WBP11: variants seen among roughly 807,000 people sequenced by gnomAD.
WBP11 encodes WW domain binding protein 11.
WBP11 carries 12 observed loss-of-function variants against 66.7 expected under a neutral mutation model. The observed-to-expected ratio is 0.18, with a 90% CI of 0.12 to 0.29. The LOEUF (loss-of-function observed/expected upper bound fraction) is 0.29, where lower values mean the gene tolerates loss of function less well. Ranked by LOEUF, WBP11 falls within the 10% of genes least tolerant of loss-of-function variation. The probability of loss-of-function intolerance (pLI) is 1.00; values close to 1 mark genes in which losing one functional copy is unlikely to be tolerated. For synonymous variants in WBP11, 255 were observed against 273.8 expected (o/e 0.93, Z 0.68); for missense variants, 555 against 818.3 (o/e 0.68, Z 3.93).
rs905024589 is a variant in WBP11, at chr12:14,793,871, T to G, written c.773A>C (p.Tyr258Ser). ...CTTATCTTGATCCATGTCCTCAGGA[T>G]AGCCATCATCTTCACTGGTGCTAGA... ...DVSSTSEDDG[Y>S]PEDMDQDKHD... Residue 258 changes from tyrosine to serine, a missense_variant, in exon 8 of 12, where the codon TAT (tyrosine) becomes TCT (serine). Tyr to Ser is a moderately radical substitution (Grantham distance 144). This residue lies in a region of WBP11 where 220 missense variants were observed against 268.2 expected (regional missense o/e 0.82). Coordinates refer to ENST00000261167, the MANE Select transcript of WBP11 (RefSeq NM_016312.3). 3.1e-6 allele frequency: 5 copies of G among 1,613,838 alleles called. No individual in the cohort carries two copies. Among genetic ancestry groups the G allele is most frequent in the Non-Finnish European group, 4.2e-6 (5 of 1,179,930 alleles).
At chr12:14,794,790 T>A in intron 6 of WBP11, 54 bp from the exon 7 acceptor site, 1 of 1,532,296 alleles carries the variant, frequency 6.5e-7, no homozygotes, top group Non-Finnish European at 8.7e-7. Context: ...CACTTAACAG[T>A]AATGAGATAT....
intron 7 of WBP11, among the ~76,000 whole-genome samples, chr12:14,794,227 G>A (rs1949861114): frequency 6.6e-6 from 1 of 152,082 alleles, no homozygotes; most frequent in Non-Finnish European, 1.5e-5. Flanking sequence ...GTCAGTGAAT[G>A]TATACAATGA....
At position 14,793,864 on chromosome 12, in the gene WBP11, C is replaced by G. The variant is rs564074150; in HGVS notation, c.780G>C (p.Glu260Asp). 1.9e-6 allele frequency: 3 copies of G among 1,613,898 alleles called. No homozygotes were observed. In the East Asian group the frequency reaches 6.7e-5, roughly 36 times the overall value. The part of the protein sequence containing the change: ...SSTSEDDGYP[E>D]DMDQDKHDDS... Reference sequence around the variant, plus strand: ...CATCATGCTTATCTTGATCCATGTCCTCAGGATAGCCATCATCTTCACTGG... The same window carrying G: ...CATCATGCTTATCTTGATCCATGTCGTCAGGATAGCCATCATCTTCACTGG... Residue 260 changes from glutamate (E) to aspartate (D), a missense_variant, in exon 8 of 12, where the codon GAG (glutamate) becomes GAC (aspartate). This residue lies in a region of WBP11 where 220 missense variants were observed against 268.2 expected (regional missense o/e 0.82). Transcript: ENST00000261167.
intron 8 of WBP11, 65 bp from the exon 9 acceptor site, chr12:14,791,335 G>A (rs1370663904): frequency 1.2e-5 from 17 of 1,375,140 alleles, no homozygotes; most frequent in Middle Eastern, 1.8e-4. Flanking sequence ...TGTTTACTAC[G>A]TAGCACTATA....
intron 10 of WBP11, 78 bp downstream of exon 10, chr12:14,790,378 C>G (rs1489874528): frequency 2.0e-6 from 3 of 1,512,536 alleles, no homozygotes; most frequent in Non-Finnish European, 2.7e-6. Flanking sequence ...AACATGAACA[C>G]TAACAACACA....
chr12:14,797,599 A>T lies in WBP11; in HGVS notation c.191-596T>A, dbSNP rs537640933. Among the ~76,000 whole-genome samples the T allele has an allele frequency of 2.0e-5, 3 of 152,324 alleles. No individual in the cohort carries two copies. In the South Asian group the frequency reaches 6.2e-4, roughly 32 times the overall value. ...CTGCAGGTCCTCTATCCCAAGAATA[A>T]GACCTCCAGGCCTGCCTGGTCAATC... On this transcript the variant is annotated intron_variant, in intron 4 of 11. Transcript: ENST00000261167.
rs995406175 is a variant in WBP11 at position 14,784,773 on chromosome 12, A to C, written c.*2292T>G. The C allele has an allele frequency of 6.6e-6, 1 of 152,190 alleles. No individual in the cohort carries two copies. Among genetic ancestry groups the C allele is most frequent in the East Asian group, 1.9e-4 (1 of 5,196 alleles). The allele number at this position is 152,190 out of a possible 1,614,324, so 9.4% of individuals were successfully genotyped here. On this transcript the variant is annotated 3_prime_UTR_variant, in exon 12 of 12. Transcript: ENST00000261167. ...ACACTTTGATAAGGAAATAGTAACA[A>C]GTCTATCCATATACATGATTAAAGA...
At position 14,789,495 on chromosome 12, in the gene WBP11, G is replaced by A. The variant is rs1949796439; in HGVS notation, c.1310-362C>T. Among the ~76,000 whole-genome samples the A allele has an allele frequency of 2.0e-5, 3 of 152,138 alleles. No individual in the cohort carries two copies. In the East Asian group the frequency reaches 5.8e-4, roughly 29 times the overall value. On this transcript the variant is annotated intron_variant, in intron 10 of 11. Coordinates refer to ENST00000261167, the MANE Select transcript of WBP11 (RefSeq NM_016312.3). ...CGCTACTTGGGAGGCTGAGGCAGGA[G>A]AATGGTGTGAACCCGGGAGGCGGAG...
chr12:14,797,087 T>C (rs1333052390), intron 4 of WBP11, 84 bp from the exon 5 acceptor site: 4 of 1,181,918 alleles, frequency 3.4e-6, no homozygotes, highest in South Asian at 2.2e-5. Context: ...AAAACCTCCA[T>C]ATATGCTAAA....
intron 2 of WBP11, 54 bp downstream of exon 2, chr12:14,801,266 T>C: frequency 6.4e-7 from 1 of 1,565,806 alleles, no homozygotes; most frequent in Non-Finnish European, 8.8e-7. Context: ...TTCCCTAATA[T>C]TTGCAATTTT....
At position 14,788,981 on chromosome 12, in the gene WBP11, G is replaced by A; in HGVS notation, c.1462C>T (p.Pro488Ser). The A allele has an allele frequency of 6.8e-7, 1 of 1,470,916 alleles. No homozygotes were observed. The highest frequency in any genetic ancestry group is 8.9e-7 in the Non-Finnish European group (1 of 1,118,774). The allele number at this position is 1,470,916 out of a possible 1,614,324, so 91.1% of individuals were successfully genotyped here. A position where few individuals can be genotyped will look rare whatever the true frequency, so the allele number is the denominator to read the frequency against. ...GGTGCAGGGGGAGGTAGCCTTGGTG[G>A]GGGTCCACGAGGAGGGGGACCAGGA... is the stretch of plus-strand genomic sequence containing the variant. ...LPPGPPPRGP[P>S]PRLPPPAPPG... The change falls in exon 11 of 12, where the codon CCA becomes TCA. Residue 488 changes from proline (P) to serine (S), a missense_variant. Physicochemically the swap from Pro to Ser is moderately conservative, Grantham distance 74. This residue lies in a region of WBP11 where 230 missense variants were observed against 286.3 expected (regional missense o/e 0.80). Coordinates refer to ENST00000261167, the MANE Select transcript of WBP11 (RefSeq NM_016312.3).
At chr12:14,797,068 T>A in intron 4 of WBP11, 65 bp from the exon 5 acceptor site, 1 of 1,392,742 alleles carries the variant, frequency 7.2e-7, no homozygotes, top group South Asian at 1.7e-5. Flanking sequence ...ATCAATAGGT[T>A]ACATGATAAA....
intron 8 of WBP11, among the ~76,000 whole-genome samples, chr12:14,792,218 C>A (rs1164306350): frequency 1.3e-5 from 2 of 151,416 alleles, no homozygotes; most frequent in African/African-American, 4.9e-5. Flanking sequence ...CACTAAAGAA[C>A]TTAAAAAAAA....
At chr12:14,789,996 A>G (rs896906374) in intron 10 of WBP11, among the ~76,000 whole-genome samples, 1 of 152,244 alleles carries the variant, frequency 6.6e-6, no homozygotes, top group African/African-American at 2.4e-5. Context: ...AACACTTAAT[A>G]AACAGACTAA....
At position 14,794,567 on chromosome 12, in the gene WBP11, C is replaced by T. The variant is rs1408611560; in HGVS notation, c.691G>A (p.Asp231Asn). ...FALDLPPRRR[D>N]EDMLYSPELA... The stretch of plus-strand genomic sequence containing the variant: ...TCAGGACTATATAACATGTCTTCAT[C>T]TCGCCTACGAGGGGGAAGATCTAGG... Residue 231 changes from aspartate (D) to asparagine (N), a missense_variant, in exon 7 of 12, where the codon GAT (aspartate) becomes AAT (asparagine). Asp to Asn is a conservative substitution (Grantham distance 23). Around this residue, in one of 6 missense-constraint regions of WBP11, gnomAD observed 220 missense variants for 268.2 expected, o/e 0.82. Coordinates refer to ENST00000261167, the MANE Select transcript of WBP11 (RefSeq NM_016312.3). 6.2e-7 allele frequency: 1 copy of T among 1,613,916 alleles called. No individual in the cohort carries two copies. Among genetic ancestry groups the T allele is most frequent in the Non-Finnish European group, 8.5e-7 (1 of 1,180,032 alleles).
intron 5 of WBP11, 112 bp from the exon 6 acceptor site, chr12:14,795,216 A>G (rs1949877760): frequency 3.4e-6 from 4 of 1,177,308 alleles, no homozygotes; most frequent in African/African-American, 1.6e-5. Flanking sequence ...ACTAACATAA[A>G]TATCACCAAA....
chr12:14,801,267 T>C, intron 2 of WBP11, 53 bp downstream of exon 2: 1 of 1,565,970 alleles, frequency 6.4e-7, no homozygotes, highest in African/African-American at 1.4e-5. Flanking sequence ...TCCCTAATAT[T>C]TGCAATTTTT....
At chr12:14,799,158 G>GT (rs1164742199) in intron 4 of WBP11, among the ~76,000 whole-genome samples, 1 of 152,052 alleles carries the variant, frequency 6.6e-6, no homozygotes, top group Non-Finnish European at 1.5e-5. Flanking sequence ...TTATTATTTG[G>GT]TTTTTAGGTA....
chr12:14,794,037 A>C, intron 7 of WBP11, 115 bp from the exon 8 acceptor site: 1 of 460,496 alleles, frequency 2.2e-6, no homozygotes, highest in Non-Finnish European at 2.9e-6. Flanking sequence ...CTTAATTCTT[A>C]CCAAAAAAAA....
Sources: allele counts gnomAD v4.1 joint callset (sites outside exome capture counted in the v4.1 genomes callset), GRCh38; gene constraint gnomAD v4.1.1; regional missense constraint gnomAD v4.1.1; transcripts MANE v1.5; gene names NCBI Gene and HGNC (gene_info 2026-07-23, HGNC 2026-07-21).